NEO1: variants seen among roughly 807,000 people sequenced by gnomAD.
NEO1 encodes the protein neogenin.
A neutral mutation model predicts 159.7 loss-of-function variants in NEO1; 63 were observed. That is an observed-to-expected ratio of 0.39 (90% CI 0.32 to 0.49). The LOEUF (loss-of-function observed/expected upper bound fraction) is 0.49, where lower values mean the gene tolerates loss of function less well. NEO1 is among the 20% of genes least tolerant of loss of function. The pLI is 0.85. For synonymous variants in NEO1, 633 were observed against 662.0 expected (o/e 0.96, Z 0.67); for missense variants, 1,615 against 1,831.0 (o/e 0.88, Z 2.15).
chr15:73,278,310 C>A, intron 22 of NEO1, 111 bp downstream of exon 22: 2 of 871,392 alleles, frequency 2.3e-6, no homozygotes, highest in Non-Finnish European at 3.6e-6. Context: ...GCATATTAGC[C>A]TGTTTTCTTT....
Position 73,240,676 on chromosome 15 carries a change from T to C in NEO1, c.1452-3668T>C, listed in dbSNP as rs555520186. 5.9e-5 allele frequency among the ~76,000 whole-genome samples: 9 copies of C among 152,200 alleles called. No homozygotes were observed. In the South Asian group the frequency reaches 1.9e-3, roughly 32 times the overall value. Reference sequence around the variant, plus strand: ...AAAAAATAGAGTCAGGGAGACAAAATTGGGTAGTAATTATGTTAGCCTAGA... The same window carrying C: ...AAAAAATAGAGTCAGGGAGACAAAACTGGGTAGTAATTATGTTAGCCTAGA... On this transcript the variant is annotated intron_variant, in intron 8 of 28. Coordinates refer to ENST00000261908, the MANE Select transcript of NEO1 (RefSeq NM_002499.4).
chr15:73,115,461 T>G (rs7168555), intron 1 of NEO1, among the ~76,000 whole-genome samples: 15 of 152,210 alleles, frequency 9.9e-5, no homozygotes, highest in African/African-American at 3.6e-4. Flanking sequence ...TTATTTCTTT[T>G]CCTCTGCCAG....
intron 7 of NEO1, among the ~76,000 whole-genome samples, chr15:73,180,293 G>A (rs1006038973): frequency 6.6e-6 from 1 of 152,146 alleles, no homozygotes; most frequent in Admixed American, 6.5e-5. Context: ...TAGGATTTTT[G>A]TGTGCTATTT....
chr15:73,222,091 A>ATTTGTTTTT (rs2038316471), intron 7 of NEO1: 1 of 53,046 alleles, frequency 1.9e-5, no homozygotes, highest in Non-Finnish European at 3.3e-5. Flanking sequence ...CCTGTTGGTA[A>ATTTGTTTTT]TTTTTTTTTT....
At chr15:73,180,329 G>A (rs1442135779) in intron 7 of NEO1, among the ~76,000 whole-genome samples, 1 of 152,128 alleles carries the variant, frequency 6.6e-6, no homozygotes, top group Admixed American at 6.6e-5. Context: ...TGAGAGTGCT[G>A]TTACAGAAAA....
At chr15:73,093,280 C>G (rs1271343020) in intron 1 of NEO1, among the ~76,000 whole-genome samples, 3 of 152,144 alleles carry the variant, frequency 2.0e-5, no homozygotes, top group African/African-American at 7.2e-5. Flanking sequence ...GTCAAGTTCT[C>G]CCTGGTAAAG....
At chr15:73,216,994 A>C (rs2150729307) in intron 7 of NEO1, among the ~76,000 whole-genome samples, 1 of 152,150 alleles carries the variant, frequency 6.6e-6, no homozygotes, top group African/African-American at 2.4e-5. Context: ...TTAGACATGA[A>C]GTCCTTGCCC....
chr15:73,236,741 C>T (rs772834785), intron 8 of NEO1, among the ~76,000 whole-genome samples: 3 of 152,092 alleles, frequency 2.0e-5, no homozygotes, highest in Non-Finnish European at 4.4e-5. Context: ...TTGAGGTGGA[C>T]GTATTTAAAT....
intron 1 of NEO1, among the ~76,000 whole-genome samples, chr15:73,071,370 T>A (rs1486100167): frequency 2.6e-5 from 4 of 152,202 alleles, no homozygotes; most frequent in Non-Finnish European, 4.4e-5. Context: ...TTCATAAAGT[T>A]TGAGAAACAT....
chr15:73,097,026 G>T (rs543523670), intron 1 of NEO1, among the ~76,000 whole-genome samples: 1 of 152,218 alleles, frequency 6.6e-6, no homozygotes, highest in Admixed American at 6.5e-5. Context: ...TCAGGAGATT[G>T]AGGCGGAAGG....
chr15:73,274,131 G>A (rs1362330631), intron 20 of NEO1, 126 bp downstream of exon 20: 4 of 914,266 alleles, frequency 4.4e-6, no homozygotes, highest in Admixed American at 3.0e-5. Flanking sequence ...TGTGAGCCAT[G>A]ATGTGAAGAT....
intron 7 of NEO1, among the ~76,000 whole-genome samples, chr15:73,217,723 T>C (rs1482503887): frequency 6.6e-6 from 1 of 152,206 alleles, no homozygotes; most frequent in Non-Finnish European, 1.5e-5. Context: ...ATGATTTGGC[T>C]CTCTGTTTGT....
chr15:73,176,196 G>T (rs969005276), intron 5 of NEO1, among the ~76,000 whole-genome samples: 2 of 152,032 alleles, frequency 1.3e-5, no homozygotes, highest in Admixed American at 1.3e-4. Context: ...ACAGTTAGTT[G>T]TACCAGCAAA....
intron 1 of NEO1, among the ~76,000 whole-genome samples, chr15:73,066,356 G>T (rs1415715545): frequency 6.8e-6 from 1 of 146,156 alleles, no homozygotes; most frequent in Non-Finnish European, 1.5e-5. Flanking sequence ...TAGTTTGCAG[G>T]TCTCTGCTGA....
chr15:73,211,625 G>A (rs1227599943), intron 7 of NEO1, among the ~76,000 whole-genome samples: 1 of 152,164 alleles, frequency 6.6e-6, no homozygotes, highest in Non-Finnish European at 1.5e-5. Context: ...TGAGGCAGGA[G>A]AATCACTTGA....
chr15:73,217,317 G>C (rs1425412832), intron 7 of NEO1, among the ~76,000 whole-genome samples: 3 of 148,668 alleles, frequency 2.0e-5, no homozygotes, highest in Non-Finnish European at 3.0e-5. Flanking sequence ...GTACCATGCT[G>C]TTTTGGTTAC....
chr15:73,100,180 C>G (rs1206275991), intron 1 of NEO1, among the ~76,000 whole-genome samples: 1 of 152,142 alleles, frequency 6.6e-6, no homozygotes, highest in Non-Finnish European at 1.5e-5. Context: ...TTTGTCATCA[C>G]TCAGGAGCGC....
intron 7 of NEO1, among the ~76,000 whole-genome samples, chr15:73,218,755 G>T (rs2038055425): frequency 6.6e-6 from 1 of 152,190 alleles, no homozygotes; most frequent in Non-Finnish European, 1.5e-5. Flanking sequence ...TTGTATTTCT[G>T]TGGGATCGGT....
intron 7 of NEO1, among the ~76,000 whole-genome samples, chr15:73,187,976 T>A (rs1445007282): frequency 2.0e-5 from 3 of 152,182 alleles, no homozygotes; most frequent in African/African-American, 7.2e-5. Context: ...TCATCATTTC[T>A]CCTTCAGGCT....
Sources: allele counts gnomAD v4.1 joint callset (sites outside exome capture counted in the v4.1 genomes callset), GRCh38; gene constraint gnomAD v4.1.1; transcripts MANE v1.5; gene names NCBI Gene and HGNC (gene_info 2026-07-23, HGNC 2026-07-21).